The following HLA-DRB1 variants were observed in gnomAD, a reference collection of about 807,000 sequenced individuals.
HLA-DRB1 encodes the protein major histocompatibility complex, class II, DR beta 1.
A neutral mutation model predicts 27.9 loss-of-function variants in HLA-DRB1; 10 were observed. The observed-to-expected ratio is 0.36, with a 90% CI of 0.22 to 0.61. The LOEUF is 0.61. Among genes scored for constraint, HLA-DRB1 ranks in the 20% least tolerant of loss-of-function variants. The pLI is 0.73. For synonymous variants in HLA-DRB1, 57 were observed against 126.7 expected (o/e 0.45, Z 3.69); for missense variants, 118 against 306.3 (o/e 0.39, Z 4.59).
intron 1 of HLA-DRB1, among the ~76,000 whole-genome samples, chr6:32,588,807 T>C (rs35600209): frequency 0.27 from 23,279 of 86,428 alleles, 3,555 homozygotes; most frequent in East Asian, 0.39. Flanking sequence ...GAATTTCATA[T>C]AATTTATACA....
At chr6:32,583,005 G>T (rs35831425) in intron 2 of HLA-DRB1, among the ~76,000 whole-genome samples, 31,032 of 134,716 alleles carry the variant, frequency 0.23, 1,493 homozygotes, top group East Asian at 0.28. Context: ...ACATGGAAAA[G>T]AATTTTCAAA....
chr6:32,581,516 C>T (rs761684252), intron 3 of HLA-DRB1, 41 bp downstream of exon 3: 3 of 784,200 alleles, frequency 3.8e-6, no homozygotes, highest in Non-Finnish European at 5.7e-6. Flanking sequence ...CGGTCCCCTT[C>T]TTAGTGGGTG....
intron 1 of HLA-DRB1, among the ~76,000 whole-genome samples, chr6:32,586,585 A>G (rs1458475805): frequency 1.8e-5 from 1 of 54,188 alleles, no homozygotes; most frequent in African/African-American, 8.0e-5. Context: ...CACACAATCC[A>G]TCTCCCTATG....
intron 3 of HLA-DRB1, 146 bp downstream of exon 3, chr6:32,581,411 G>A (rs772992663): frequency 5.4e-5 from 21 of 386,966 alleles, no homozygotes; most frequent in South Asian, 2.9e-4. Context: ...CACCTACAGG[G>A]CTACCCCCAG....
chr6:32,584,073 C>T lies in HLA-DRB1; in HGVS notation c.370+36G>A, dbSNP rs144319718. On this transcript the variant is annotated intron_variant, in intron 2 of 5. Coordinates refer to ENST00000360004, the Ensembl canonical transcript of HLA-DRB1. Reference sequence around the variant, plus strand: ...CACACACACACTCAGATTCCCAGCTCACGGGGACTCAGGCCCCGCCCGCGG... The same window carrying T: ...CACACACACACTCAGATTCCCAGCTTACGGGGACTCAGGCCCCGCCCGCGG... The T allele has an allele frequency of 2.1e-3, 1,375 of 668,164 alleles. 164 individuals carry two copies. Among genetic ancestry groups the T allele is most frequent in the Admixed American group, 7.4e-3 (194 of 26,064 alleles). The allele number at this position is 668,164 out of a possible 1,614,324, so 41.4% of individuals were successfully genotyped here. A position where few individuals can be genotyped will look rare whatever the true frequency, so the allele number is the denominator to read the frequency against.
intron 1 of HLA-DRB1, among the ~76,000 whole-genome samples, chr6:32,587,079 T>A (rs1776510990): frequency 1.5e-5 from 1 of 67,358 alleles, no homozygotes; most frequent in Non-Finnish European, 3.0e-5. Flanking sequence ...GTAGCTAGAA[T>A]TAGTTTTAAA....
chr6:32,578,970 C>G, exon 6 of HLA-DRB1: 1 of 482,482 alleles, frequency 2.1e-6, no homozygotes, highest in East Asian at 5.2e-5. Context: ...AGTTGCCGAA[C>G]CAGTAGCAAC....
chr6:32,584,712 A>G (rs375544035), intron 1 of HLA-DRB1, among the ~76,000 whole-genome samples: 14,303 of 51,748 alleles, frequency 0.28, 423 homozygotes, highest in Admixed American at 0.38. Flanking sequence ...AGCCCCAAAG[A>G]CACTCTCTGC....
At chr6:32,581,501 T>G (rs9269796) in intron 3 of HLA-DRB1, 56 bp downstream of exon 3, 24,405 of 635,032 alleles carry the variant, frequency 0.038, 110 homozygotes, top group Admixed American at 0.059. Flanking sequence ...ACTCAGGGAT[T>G]AGCACGGTCC....
intron 1 of HLA-DRB1, among the ~76,000 whole-genome samples, chr6:32,586,293 G>A (rs9270068): frequency 2.0e-4 from 18 of 91,924 alleles, no homozygotes; most frequent in African/African-American, 3.5e-4. Flanking sequence ...CCTTAACCTC[G>A]TCCTCACTTT....
chr6:32,582,745 A>AG (rs377300772), intron 2 of HLA-DRB1, among the ~76,000 whole-genome samples: 8,428 of 93,956 alleles, frequency 0.09, 602 homozygotes, highest in Middle Eastern at 0.23. Flanking sequence ...TAGGCCTATC[A>AG]TTGTAAAATG....
At chr6:32,581,193 C>T (rs34380891) in intron 3 of HLA-DRB1, among the ~76,000 whole-genome samples, 164 of 83,422 alleles carry the variant, frequency 2.0e-3, no homozygotes, top group Admixed American at 3.1e-3. Context: ...GTCAGGTAGG[C>T]CCCTACACTT....
At chr6:32,582,146 G>C (rs35239661) in intron 2 of HLA-DRB1, among the ~76,000 whole-genome samples, 101 of 115,018 alleles carry the variant, frequency 8.8e-4, no homozygotes, top group Non-Finnish European at 1.4e-3. Flanking sequence ...ATTTGAGCCA[G>C]GTTGCCTGGT....
At chr6:32,582,372 C>A (rs9269839) in intron 2 of HLA-DRB1, among the ~76,000 whole-genome samples, 2 of 107,578 alleles carry the variant, frequency 1.9e-5, no homozygotes, top group Non-Finnish European at 3.7e-5. Flanking sequence ...ACTGTGAGGG[C>A]ACTCATCACA....
chr6:32,588,912 G>A (rs9270226), intron 1 of HLA-DRB1, among the ~76,000 whole-genome samples: 3 of 117,016 alleles, frequency 2.6e-5, no homozygotes. Flanking sequence ...TAATGAACAC[G>A]AACCTGGGCT....
Position 32,583,099 on chromosome 6 carries a change from GA to G in HLA-DRB1, c.370+1009del, listed in dbSNP as rs1775798965. On this transcript the variant is annotated intron_variant, in intron 2 of 5. Transcript: ENST00000360004. ...ATAATCTTATAGTACAAAGAACGCA[GA>G]AAGTCACTGAGAAAAATACTAAGCC... is the stretch of plus-strand genomic sequence containing the variant. 3.6e-5 allele frequency among the ~76,000 whole-genome samples: 3 copies of G among 82,942 alleles called. 1 individual carries two copies. The highest frequency in any genetic ancestry group is 7.2e-5 in the Non-Finnish European group (3 of 41,556). 54.4% of individuals were successfully genotyped at this position (82,942 alleles called of 152,430 possible).
chr6:32,581,170 G>A (rs1257178991), intron 3 of HLA-DRB1, among the ~76,000 whole-genome samples: 7,320 of 81,502 alleles, frequency 0.09, 1,119 homozygotes, highest in East Asian at 0.18. Flanking sequence ...GGCTGAGATT[G>A]GACTCCCCTC....
At chr6:32,581,404 C>A (rs28732324) in intron 3 of HLA-DRB1, among the ~76,000 whole-genome samples, 153 bp downstream of exon 3, 1 of 50,502 alleles carries the variant, frequency 2.0e-5, no homozygotes, top group African/African-American at 9.1e-5. Context: ...CTAGAAACAC[C>A]TACAGGGCTA....
intron 1 of HLA-DRB1, among the ~76,000 whole-genome samples, chr6:32,585,383 T>G (rs112747670): frequency 0.25 from 28,767 of 115,756 alleles, 5,498 homozygotes; most frequent in Admixed American, 0.31. Context: ...TCTACTTGGG[T>G]CAATTTTTAC....
Sources: allele counts gnomAD v4.1 joint callset (sites outside exome capture counted in the v4.1 genomes callset), GRCh38; gene constraint gnomAD v4.1.1; transcripts MANE v1.5; gene names NCBI Gene and HGNC (gene_info 2026-07-23, HGNC 2026-07-21).